PTPRD: variants seen among roughly 807,000 people sequenced by gnomAD.
PTPRD encodes receptor-type tyrosine-protein phosphatase delta.
PTPRD carries 34 observed loss-of-function variants against 214.5 expected under a neutral mutation model. The observed-to-expected ratio is 0.16, with a 90% confidence interval of 0.12 to 0.21. The LOEUF (loss-of-function observed/expected upper bound fraction) is 0.21, where lower values mean the gene tolerates loss of function less well. PTPRD is among the 10% of genes least tolerant of loss of function. The pLI is 1.00. For synonymous variants in PTPRD, 1,128 were observed against 845.7 expected (o/e 1.33, Z -5.79); for missense variants, 2,545 against 2,398.7 (o/e 1.06, Z -1.27).
At chr9:8,436,954 T>C (rs13300773) in intron 34 of PTPRD, among the ~76,000 whole-genome samples, 18,386 of 152,250 alleles carry the variant, frequency 0.12, 1,153 homozygotes, top group South Asian at 0.18. Flanking sequence ...TATTGTGCTA[T>C]GAATCAATAA....
At chr9:9,641,893 A>AAGGCCTC (rs1303664660) in intron 7 of PTPRD, among the ~76,000 whole-genome samples, 1 of 152,124 alleles carries the variant, frequency 6.6e-6, no homozygotes, top group Non-Finnish European at 1.5e-5. Context: ...ACTCCAGAGG[A>AAGGCCTC]AGGCCTCAGG....
chr9:10,379,376 C>T (rs2097781047), intron 2 of PTPRD, among the ~76,000 whole-genome samples: 1 of 151,616 alleles, frequency 6.6e-6, no homozygotes, highest in Non-Finnish European at 1.5e-5. Flanking sequence ...TGTCTGATTG[C>T]TCTAGCTGGG....
At chr9:9,564,427 C>G (rs953812881) in intron 8 of PTPRD, among the ~76,000 whole-genome samples, 2 of 151,960 alleles carry the variant, frequency 1.3e-5, no homozygotes. Context: ...ATGCAGGGGG[C>G]CTTGTCAATT....
chr9:10,579,117 C>T (rs1435287830), intron 2 of PTPRD, among the ~76,000 whole-genome samples: 1 of 151,944 alleles, frequency 6.6e-6, no homozygotes, highest in Non-Finnish European at 1.5e-5. Context: ...TGTTCCCCTC[C>T]CTGTGTGGAT....
Position 8,316,936 on chromosome 9 carries a change from G to A in PTPRD, c.*938C>T, listed in dbSNP as rs1822272506. The A allele has an allele frequency of 8.6e-6, 2 of 231,302 alleles. No individual in the cohort carries two copies. Among genetic ancestry groups the A allele is most frequent in the East Asian group, 6.1e-5 (1 of 16,326 alleles). The allele number at this position is 231,302 out of a possible 1,614,324, so 14.3% of individuals were successfully genotyped here. A position where few individuals can be genotyped will look rare whatever the true frequency, so the allele number is the denominator to read the frequency against. ...TATCTATTTTTTGTGTGGACACACT[G>A]TCTATATATACATAGACACCCTTAT... On this transcript the variant is annotated 3_prime_UTR_variant, in exon 46 of 46. Coordinates refer to ENST00000381196, the MANE Select transcript of PTPRD (RefSeq NM_002839.4).
At chr9:9,154,026 G>A (rs1055673558) in intron 10 of PTPRD, among the ~76,000 whole-genome samples, 1 of 152,172 alleles carries the variant, frequency 6.6e-6, no homozygotes, top group African/African-American at 2.4e-5. Flanking sequence ...CCAGTGGAAT[G>A]TGAGTAGACG....
chr9:9,665,232 AG>A (rs1282298040), intron 7 of PTPRD, among the ~76,000 whole-genome samples: 1 of 151,732 alleles, frequency 6.6e-6, no homozygotes, highest in African/African-American at 2.4e-5. Flanking sequence ...ATAAAACCTT[AG>A]AATGGTCCAT....
rs59772063 is a variant in PTPRD at position 9,024,865 on chromosome 9, G to C, written c.-142-6130C>G. On this transcript the variant is annotated intron_variant, in intron 10 of 45. Transcript: ENST00000381196. Reference sequence around the variant, plus strand: ...ACCAATAATGAGTTTAACATTTTCAGAATTAACATATGCCAAGATTCATCC... The same window carrying C: ...ACCAATAATGAGTTTAACATTTTCACAATTAACATATGCCAAGATTCATCC... Among the ~76,000 whole-genome samples the C allele has an allele frequency of 2.6e-5, 4 of 151,888 alleles. No individual in the cohort carries two copies. In the East Asian group the frequency reaches 7.8e-4, roughly 29 times the overall value.
intron 7 of PTPRD, among the ~76,000 whole-genome samples, chr9:9,719,790 CT>C (rs2097903262): frequency 6.6e-6 from 1 of 152,190 alleles, no homozygotes; most frequent in Non-Finnish European, 1.5e-5. Flanking sequence ...CATCTCTACG[CT>C]TTCAGGCGCA....
At chr9:8,629,454 C>T (rs545144675) in intron 14 of PTPRD, among the ~76,000 whole-genome samples, 21 of 151,922 alleles carry the variant, frequency 1.4e-4, no homozygotes, top group South Asian at 8.3e-4. Flanking sequence ...AGCAAACTAA[C>T]GAAACAGACA....
At chr9:9,157,097 C>T (rs751600673) in intron 10 of PTPRD, among the ~76,000 whole-genome samples, 2 of 152,052 alleles carry the variant, frequency 1.3e-5, no homozygotes, top group Non-Finnish European at 2.9e-5. Flanking sequence ...GCCGGAAACA[C>T]AACATATGAA....
intron 9 of PTPRD, among the ~76,000 whole-genome samples, chr9:9,312,634 G>A (rs1959547858): frequency 6.6e-6 from 1 of 152,148 alleles, no homozygotes; most frequent in Non-Finnish European, 1.5e-5. Context: ...TACACCCTGT[G>A]ATGGGATGTC....
chr9:9,909,911 T>C (rs894075693), intron 5 of PTPRD, among the ~76,000 whole-genome samples: 1 of 151,984 alleles, frequency 6.6e-6, no homozygotes, highest in East Asian at 1.9e-4. Flanking sequence ...GTAATACATA[T>C]TCTTTGTAAT....
At chr9:8,666,519 T>C (rs985175784) in intron 12 of PTPRD, among the ~76,000 whole-genome samples, 1 of 152,230 alleles carries the variant, frequency 6.6e-6, no homozygotes, top group African/African-American at 2.4e-5. Context: ...CACTGCCTCA[T>C]AAAATTCTAG....
At chr9:8,650,302 G>C (rs2096781032) in intron 12 of PTPRD, among the ~76,000 whole-genome samples, 1 of 152,010 alleles carries the variant, frequency 6.6e-6, no homozygotes, top group African/African-American at 2.4e-5. Flanking sequence ...GGCTGAGGTG[G>C]GTGGATCACC....
chr9:9,889,695 G>A (rs1285321354), intron 5 of PTPRD, among the ~76,000 whole-genome samples: 4 of 152,080 alleles, frequency 2.6e-5, no homozygotes, highest in African/African-American at 9.7e-5. Context: ...TATATTAAGC[G>A]AGCTATGTCC....
intron 10 of PTPRD, among the ~76,000 whole-genome samples, chr9:9,112,384 C>G (rs189603855): frequency 1.3e-5 from 2 of 152,250 alleles, no homozygotes; most frequent in East Asian, 3.9e-4. Flanking sequence ...TCTAACATTC[C>G]TCATGAATCA....
intron 7 of PTPRD, among the ~76,000 whole-genome samples, chr9:9,691,103 A>G (rs1231824317): frequency 6.6e-6 from 1 of 151,940 alleles, no homozygotes; most frequent in Non-Finnish European, 1.5e-5. Context: ...AACATCATGG[A>G]AAAATGGGTA....
intron 6 of PTPRD, among the ~76,000 whole-genome samples, chr9:9,735,110 G>C (rs1324154532): frequency 6.6e-6 from 1 of 152,074 alleles, no homozygotes; most frequent in Non-Finnish European, 1.5e-5. Context: ...CTAAAATGCA[G>C]CCTCTATTTT....
Sources: allele counts gnomAD v4.1 joint callset (sites outside exome capture counted in the v4.1 genomes callset), GRCh38; gene constraint gnomAD v4.1.1; transcripts MANE v1.5; gene names NCBI Gene and HGNC (gene_info 2026-07-23, HGNC 2026-07-21).